MEF2C: variants seen among roughly 807,000 people sequenced by gnomAD.
MEF2C encodes the protein myocyte enhancer factor 2C.
A neutral mutation model predicts 50.5 loss-of-function variants in MEF2C; 6 were observed. The observed-to-expected ratio is 0.12, with a 90% CI of 0.07 to 0.23. The LOEUF (loss-of-function observed/expected upper bound fraction) is 0.23. Ranked by LOEUF, MEF2C falls within the 10% of genes least tolerant of loss-of-function variation. MEF2C has a pLI of 1.00. For synonymous variants in MEF2C, 183 were observed against 228.0 expected, an observed-to-expected ratio of 0.80 and a Z score of 1.78; for missense variants, 276 against 605.0, an observed-to-expected ratio of 0.46 and a Z score of 5.70.
At chr5:88,814,699 C>T (rs1804517181) in intron 2 of MEF2C, among the ~76,000 whole-genome samples, 1 of 152,016 alleles carries the variant, frequency 6.6e-6, no homozygotes, top group Non-Finnish European at 1.5e-5. Flanking sequence ...AACTCCAAAT[C>T]TTATGCATTG....
At chr5:88,737,141 G>T (rs930381530) in intron 6 of MEF2C, 2 of 985,274 alleles carry the variant, frequency 2.0e-6, no homozygotes, top group Non-Finnish European at 2.4e-6. Context: ...GGACAATGAG[G>T]TGAGAACTGA....
intron 3 of MEF2C, chr5:88,769,939 T>A (rs1020130567): frequency 1.0e-6 from 1 of 983,836 alleles, no homozygotes; most frequent in East Asian, 1.1e-4. Context: ...GGCCACTGTG[T>A]CCAGCCTATC....
intron 6 of MEF2C, chr5:88,737,576 A>G (rs544364717): frequency 1.0e-6 from 1 of 985,416 alleles, no homozygotes; most frequent in Non-Finnish European, 1.2e-6. Flanking sequence ...ACTTTTCACC[A>G]AAAGATAAGC....
At chr5:88,847,173 T>C (rs78698072) in intron 1 of MEF2C, among the ~76,000 whole-genome samples, 142 of 152,312 alleles carry the variant, frequency 9.3e-4, no homozygotes, top group Admixed American at 1.6e-3. Context: ...TGTAGACATA[T>C]TGGCTTTTGA....
At position 88,823,929 on chromosome 5, in the gene MEF2C, T is replaced by C. The variant is rs1384466779; in HGVS notation, c.-141A>G. On this transcript the variant is annotated splice_region_variant and 5_prime_UTR_variant, in exon 2 of 11. Coordinates refer to ENST00000504921, the MANE Select transcript of MEF2C (RefSeq NM_002397.5). ...GTTCCCAAATTCCTGCATTCGTTCC[T>C]GCTGAACAAAAAAGAAAAATTAAAT... 6.9e-7 allele frequency: 1 copy of C among 1,444,786 alleles called. No homozygotes were observed. Among genetic ancestry groups the C allele is most frequent in the Non-Finnish European group, 9.1e-7 (1 of 1,097,238 alleles). The allele number at this position is 1,444,786 out of a possible 1,614,324, so 89.5% of individuals were successfully genotyped here.
chr5:88,884,070 G>T (rs1457024913), upstream of MEF2C, among the ~76,000 whole-genome samples: 17 of 152,164 alleles, frequency 1.1e-4, no homozygotes, highest in Non-Finnish European at 1.5e-5. Context: ...ACAACACGGC[G>T]AGCTGCGGCT....
intron 1 of MEF2C, among the ~76,000 whole-genome samples, chr5:88,857,436 A>G (rs1330837458): frequency 4.6e-5 from 7 of 152,298 alleles, no homozygotes; most frequent in South Asian, 4.1e-4. Context: ...AGAATGAGCT[A>G]AGACTTTGGG....
At chr5:88,856,973 G>A (rs1442955415) in intron 1 of MEF2C, among the ~76,000 whole-genome samples, 1 of 152,178 alleles carries the variant, frequency 6.6e-6, no homozygotes, top group Non-Finnish European at 1.5e-5. Flanking sequence ...TCCCAGAATG[G>A]TAGATCCACT....
intron 2 of MEF2C, among the ~76,000 whole-genome samples, chr5:88,807,378 C>T (rs1299246554): frequency 6.6e-6 from 1 of 152,106 alleles, no homozygotes; most frequent in Middle Eastern, 3.2e-3. Context: ...CGTGCACCAA[C>T]ATGTTCTGGC....
At chr5:88,853,807 CAAAT>C (rs1822268664) in intron 1 of MEF2C, among the ~76,000 whole-genome samples, 1 of 152,158 alleles carries the variant, frequency 6.6e-6, no homozygotes, top group South Asian at 2.1e-4. Context: ...CATCACAAAA[CAAAT>C]AAAACAATTT....
At chr5:88,756,788 AT>A (rs55995057) in intron 4 of MEF2C, among the ~76,000 whole-genome samples, 68,830 of 149,366 alleles carry the variant, frequency 0.46, 16,693 homozygotes, top group East Asian at 0.58. Context: ...CATTTAAACA[AT>A]TTTTTTTTTT....
At chr5:88,737,728 C>A in intron 6 of MEF2C, 1 of 985,320 alleles carries the variant, frequency 1.0e-6, no homozygotes, top group African/African-American at 1.7e-5. Context: ...GAGGGGCATT[C>A]CTCTGAAGAT....
At chr5:88,877,552 T>C (rs1438424334) in intron 1 of MEF2C, among the ~76,000 whole-genome samples, 1 of 152,062 alleles carries the variant, frequency 6.6e-6, no homozygotes, top group Admixed American at 6.6e-5. Context: ...CATAGAACAT[T>C]CTTTAATTAT....
rs1423893800 is a variant in MEF2C, at chr5:88,736,425, C to T, written c.638-4524G>A. 4.0e-4 allele frequency among the ~76,000 whole-genome samples: 9 copies of T among 22,562 alleles called. 4 individuals are homozygous for T. The highest frequency in any genetic ancestry group is 1.1e-3 in the Non-Finnish European group (9 of 7,986). The allele number at this position is 22,562 out of a possible 152,430, so 14.8% of individuals were successfully genotyped here. ...AGGAGAATGGCGTGAACCCGGGAAG[C>T]GGAGCTTGCAGTGAGCCGAGATTGC... On this transcript the variant is annotated intron_variant, in intron 6 of 10. Transcript: ENST00000504921.
intron 1 of MEF2C, among the ~76,000 whole-genome samples, chr5:88,850,374 C>A (rs1820881858): frequency 6.6e-6 from 1 of 152,152 alleles, no homozygotes; most frequent in Admixed American, 6.5e-5. Context: ...AAGAGGACTT[C>A]TTTTGCCCAT....
intron 1 of MEF2C, among the ~76,000 whole-genome samples, chr5:88,841,180 C>T (rs538202321): frequency 1.3e-5 from 2 of 152,170 alleles, no homozygotes; most frequent in South Asian, 2.1e-4. Flanking sequence ...CCTATGGCCC[C>T]GTAATGCCAT....
intron 3 of MEF2C, among the ~76,000 whole-genome samples, chr5:88,792,882 C>A (rs1047601605): frequency 6.6e-6 from 1 of 152,076 alleles, no homozygotes; most frequent in Admixed American, 6.5e-5. Flanking sequence ...AACATTTTTT[C>A]ATACTTTAAA....
At position 88,731,243 on chromosome 5, in the gene MEF2C, A is replaced by C. The variant is rs115329264; in HGVS notation, c.810+486T>G. Among the ~76,000 whole-genome samples the C allele has an allele frequency of 5.7e-3, 861 of 152,288 alleles. 10 individuals carry two copies. Among genetic ancestry groups the C allele is most frequent in the African/African-American group, 0.019 (799 of 41,562 alleles). On this transcript the variant is annotated intron_variant, in intron 7 of 10. Transcript: ENST00000504921. ...TGTAGGCATGCGATGTATTAGATAT[A>C]ATCATTGCAATACATCTAAGAAAGG...
intron 3 of MEF2C, among the ~76,000 whole-genome samples, chr5:88,791,631 A>C (rs1488048845): frequency 6.6e-6 from 1 of 152,162 alleles, no homozygotes; most frequent in Admixed American, 6.6e-5. Context: ...AAATTAAGCA[A>C]GAAGATTATT....
Sources: gnomAD v4.1 joint callset for allele counts (sites outside exome capture counted in the v4.1 genomes callset) on GRCh38, gnomAD v4.1.1 for gene constraint, MANE v1.5 for transcripts, NCBI Gene and HGNC (gene_info 2026-07-23, HGNC 2026-07-21) for gene names.